Variants in HS3ST4 observed in about 807,000 individuals in gnomAD.
The protein encoded by HS3ST4 is heparan sulfate-glucosamine 3-sulfotransferase 4, also known as heparan sulfate glucosamine 3-O-sulfotransferase 4.
Under a neutral mutation model 29.2 loss-of-function variants are expected in HS3ST4, and 17 were observed. The ratio of observed to expected loss-of-function variants is 0.58; its 90% CI spans 0.40 to 0.87. HS3ST4 has a LOEUF of 0.87. Among genes scored for constraint, HS3ST4 ranks in the 40% least tolerant of loss-of-function variants. HS3ST4 has a pLI of 0.00. For missense variants in HS3ST4, 627 were observed against 634.5 expected, an observed-to-expected ratio of 0.99 and a Z score of 0.13; for synonymous variants, 314 against 285.7, an observed-to-expected ratio of 1.10 and a Z score of -1.00.
intron 1 of HS3ST4, among the ~76,000 whole-genome samples, chr16:25,947,598 A>G (rs6497900): frequency 0.28 from 41,997 of 151,998 alleles, 6,046 homozygotes; most frequent in African/African-American, 0.33. Context: ...CCAAACCACA[A>G]ACGCCCATTT....
chr16:25,692,334 CGGCG>C lies in HS3ST4; in HGVS notation c.-81_-78del. 2.0e-5 allele frequency: 3 copies of C among 152,394 alleles called. No homozygotes were observed. The highest frequency in any genetic ancestry group is 3.9e-5 in the Non-Finnish European group (3 of 76,728). The allele number at this position is 152,394 out of a possible 1,614,324, so 9.4% of individuals were successfully genotyped here. ...GCGGCGGCGGCGGCGGCGGCGGCGG[CGGCG>C]GGGGCGGCGGCTGAAACCATGTCCG... On this transcript the variant is annotated 5_prime_UTR_variant, in exon 1 of 2. It removes the in-frame stop codon of an upstream open reading frame in the 5' UTR. Transcript: ENST00000331351.
intron 1 of HS3ST4, among the ~76,000 whole-genome samples, chr16:26,103,749 C>A (rs1299955170): frequency 6.6e-6 from 1 of 152,116 alleles, no homozygotes; most frequent in Non-Finnish European, 1.5e-5. Context: ...AAATTCAATA[C>A]CCTTGAGTGT....
At chr16:26,045,323 C>G (rs974627728) in intron 1 of HS3ST4, among the ~76,000 whole-genome samples, 2 of 152,186 alleles carry the variant, frequency 1.3e-5, no homozygotes, top group East Asian at 1.9e-4. Flanking sequence ...CATAATGCAT[C>G]TTAGCATTAA....
chr16:25,953,260 A>G (rs1968698937), intron 1 of HS3ST4, among the ~76,000 whole-genome samples: 1 of 152,116 alleles, frequency 6.6e-6, no homozygotes, highest in African/African-American at 2.4e-5. Flanking sequence ...GATCTTTGTG[A>G]AATGCTATTT....
chr16:26,006,797 A>G (rs1288523801), intron 1 of HS3ST4, among the ~76,000 whole-genome samples: 1 of 152,222 alleles, frequency 6.6e-6, no homozygotes, highest in Non-Finnish European at 1.5e-5. Flanking sequence ...AATTATTTAT[A>G]TCTACACCTT....
chr16:25,980,485 C>G (rs943846388), intron 1 of HS3ST4, among the ~76,000 whole-genome samples: 1 of 152,136 alleles, frequency 6.6e-6, no homozygotes, highest in Non-Finnish European at 1.5e-5. Context: ...CACCATGTAT[C>G]GAGTTCCACA....
intron 1 of HS3ST4, among the ~76,000 whole-genome samples, chr16:25,852,482 C>T (rs1031698014): frequency 2.6e-5 from 4 of 151,788 alleles, no homozygotes; most frequent in Non-Finnish European, 4.4e-5. Context: ...GTAAACTTGA[C>T]GTTCTTTTCA....
chr16:25,904,752 G>A (rs1279081932), intron 1 of HS3ST4, among the ~76,000 whole-genome samples: 2 of 152,140 alleles, frequency 1.3e-5, no homozygotes, highest in Non-Finnish European at 2.9e-5. Flanking sequence ...GGACAGTTAT[G>A]TATCTTTTCT....
chr16:25,837,191 C>G (rs1967365027), intron 1 of HS3ST4, among the ~76,000 whole-genome samples: 1 of 152,180 alleles, frequency 6.6e-6, no homozygotes, highest in African/African-American at 2.4e-5. Context: ...TGCAGACGAT[C>G]ATTGTGTCAA....
At chr16:26,042,550 G>C (rs866680076) in intron 1 of HS3ST4, among the ~76,000 whole-genome samples, 1 of 152,228 alleles carries the variant, frequency 6.6e-6, no homozygotes, top group East Asian at 1.9e-4. Context: ...GCGATTACCC[G>C]GGCTACCGCT....
intron 1 of HS3ST4, among the ~76,000 whole-genome samples, chr16:26,043,797 C>T (rs748845347): frequency 7.2e-5 from 11 of 152,162 alleles, no homozygotes; most frequent in Non-Finnish European, 2.9e-5. Flanking sequence ...CCTTCTTGTA[C>T]CCCCGCCTTC....
intron 1 of HS3ST4, among the ~76,000 whole-genome samples, chr16:26,097,131 T>A (rs1898934661): frequency 6.6e-6 from 1 of 152,170 alleles, no homozygotes; most frequent in South Asian, 2.1e-4. Context: ...ATAGGAAGAA[T>A]CAATACCATG....
At position 26,000,462 on chromosome 16, in the gene HS3ST4, G is replaced by A. The variant is rs191387128; in HGVS notation, c.735-135150G>A. 7.9e-5 allele frequency among the ~76,000 whole-genome samples: 12 copies of A among 152,254 alleles called. No homozygotes were observed. In the East Asian group the frequency reaches 1.5e-3, roughly 20 times the overall value. On this transcript the variant is annotated intron_variant, in intron 1 of 1. Transcript: ENST00000331351. ...TCCAGGATGGCCAAACTTGGAATACGTATGTATCCTTGATTGCATTTCTGT... is the reference window on the plus strand; with the variant it reads ...TCCAGGATGGCCAAACTTGGAATACATATGTATCCTTGATTGCATTTCTGT...
intron 1 of HS3ST4, among the ~76,000 whole-genome samples, chr16:25,706,897 A>G (rs143329012): frequency 1.3e-5 from 2 of 152,318 alleles, no homozygotes; most frequent in Non-Finnish European, 2.9e-5. Context: ...TCAGTTACCC[A>G]TGGTTAACTG....
chr16:25,735,233 C>T (rs926441393), intron 1 of HS3ST4, among the ~76,000 whole-genome samples: 4 of 152,138 alleles, frequency 2.6e-5, no homozygotes, highest in African/African-American at 9.7e-5. Context: ...TCATGCTTCC[C>T]CTTGCAATAA....
intron 1 of HS3ST4, among the ~76,000 whole-genome samples, chr16:25,710,224 C>T (rs1212385553): frequency 6.6e-6 from 1 of 152,158 alleles, no homozygotes; most frequent in Non-Finnish European, 1.5e-5. Context: ...ATATGTATAT[C>T]TGTCCACCTT....
chr16:25,806,786 G>C (rs1966994941), intron 1 of HS3ST4, among the ~76,000 whole-genome samples: 1 of 152,080 alleles, frequency 6.6e-6, no homozygotes, highest in African/African-American at 2.4e-5. Flanking sequence ...ATTTTATTGA[G>C]ATGTTTCCAG....
Position 26,076,758 on chromosome 16 carries a change from G to A in HS3ST4, c.735-58854G>A, listed in dbSNP as rs141846367. 2.5e-3 allele frequency among the ~76,000 whole-genome samples: 377 copies of A among 152,290 alleles called. 2 individuals are homozygous for A. Among genetic ancestry groups the A allele is most frequent in the African/African-American group, 8.4e-3 (347 of 41,556 alleles). On this transcript the variant is annotated intron_variant, in intron 1 of 1. Coordinates refer to ENST00000331351, the MANE Select transcript of HS3ST4 (RefSeq NM_006040.3). ...TAGGAAACAGAAGTAGCCACTGCTT[G>A]TAAGAGTTCATAGAGTAGGCACTCT...
intron 1 of HS3ST4, among the ~76,000 whole-genome samples, chr16:25,823,336 C>G (rs1017890633): frequency 7.9e-5 from 12 of 152,156 alleles, no homozygotes; most frequent in African/African-American, 2.9e-4. Flanking sequence ...AAGAGAAAGA[C>G]TTGTTTCTCT....
Sources: allele counts gnomAD v4.1 joint callset (sites outside exome capture counted in the v4.1 genomes callset), GRCh38; gene constraint gnomAD v4.1.1; transcripts MANE v1.5; gene names NCBI Gene and HGNC (gene_info 2026-07-23, HGNC 2026-07-21).